Variants in PPFIA1 observed in about 807,000 individuals in gnomAD.
PPFIA1 encodes the protein PPFI scaffold protein A1.
PPFIA1 carries 25 observed loss-of-function variants against 149.9 expected under a neutral mutation model. The ratio of observed to expected loss-of-function variants is 0.17; its 90% CI spans 0.12 to 0.23. PPFIA1 has a LOEUF of 0.23. PPFIA1 is among the 10% of genes least tolerant of loss of function. The pLI, the probability that PPFIA1 is intolerant of heterozygous loss-of-function variation, is 1.00. For synonymous variants in PPFIA1, 549 were observed against 552.8 expected (o/e 0.99, Z 0.10); for missense variants, 1,362 against 1,506.5 (o/e 0.90, Z 1.59).
At position 70,302,948 on chromosome 11, in the gene PPFIA1, C is replaced by T. The variant is rs143103831; in HGVS notation, c.265-21454C>T. The stretch of plus-strand genomic sequence containing the variant: ...GGCGTCTTTCAGTTACAGCTTTATA[C>T]GTAGACCTTTGATTCCTCTGAGATA... On this transcript the variant is annotated intron_variant, in intron 2 of 27. Coordinates refer to ENST00000253925, the MANE Select transcript of PPFIA1 (RefSeq NM_003626.5). Among the ~76,000 whole-genome samples the T allele has an allele frequency of 4.6e-5, 7 of 152,176 alleles. No individual in the cohort carries two copies. In the East Asian group the frequency reaches 7.7e-4, roughly 17 times the overall value.
intron 2 of PPFIA1, among the ~76,000 whole-genome samples, chr11:70,293,601 C>T (rs1486479944): frequency 6.6e-6 from 1 of 152,180 alleles, no homozygotes; most frequent in Non-Finnish European, 1.5e-5. Flanking sequence ...GGCTCAGGAG[C>T]CAGTGGCGTC....
At chr11:70,299,287 G>T (rs570730107) in intron 2 of PPFIA1, among the ~76,000 whole-genome samples, 97 of 152,282 alleles carry the variant, frequency 6.4e-4, no homozygotes, top group Non-Finnish European at 1.2e-3. Flanking sequence ...GTTAGCTGCA[G>T]CTTTAGAATA....
chr11:70,276,123 T>C (rs2050367407), intron 2 of PPFIA1, among the ~76,000 whole-genome samples: 1 of 152,172 alleles, frequency 6.6e-6, no homozygotes. Context: ...TTGTTTATTT[T>C]TGAGATGGGG....
rs1208811374 is a variant in PPFIA1, at chr11:70,330,253, A to G, written c.1011A>G (p.Thr337=). 3.1e-6 allele frequency: 5 copies of G among 1,601,304 alleles called. No individual in the cohort carries two copies. Among genetic ancestry groups the G allele is most frequent in the Non-Finnish European group, 4.3e-6 (5 of 1,174,940 alleles). Residue 337 remains threonine (T), a synonymous_variant, in exon 8 of 28, where the codon ACA becomes ACG. Transcript: ENST00000253925. The part of the protein sequence containing the change: ...KRYLAAQREA[T]SVHDLNDKLE... ...ACCTCGCTGCACAGCGTGAAGCCAC[A>G]TCTGTGCATGACCTCAATGATAAAC... is the stretch of plus-strand genomic sequence containing the variant.
intron 16 of PPFIA1, among the ~76,000 whole-genome samples, chr11:70,352,503 C>T (rs957184328): frequency 2.0e-5 from 3 of 152,070 alleles, no homozygotes; most frequent in Admixed American, 2.0e-4. Context: ...GTAACTTCAG[C>T]GTGCTACTTG....
At chr11:70,320,528 C>T (rs1375532119) in intron 2 of PPFIA1, among the ~76,000 whole-genome samples, 1 of 151,422 alleles carries the variant, frequency 6.6e-6, no homozygotes, top group Non-Finnish European at 1.5e-5. Context: ...TCAAGCAGTC[C>T]TCCTGTCTCA....
Position 70,272,263 on chromosome 11 carries a change from G to A in PPFIA1, c.91G>A (p.Asp31Asn), listed in dbSNP as rs539083991. The change falls in exon 2 of 28, where the codon GAT becomes AAT. Residue 31 changes from aspartate to asparagine, a missense_variant. Asp to Asn is a conservative substitution (Grantham distance 23). Transcript: ENST00000253925. ...TGGTTCCGGCTCCCCTTCACAGCCAGATGCAGATTCACATTTTGAACAGTT... is the reference window on the plus strand; with the variant it reads ...TGGTTCCGGCTCCCCTTCACAGCCAAATGCAGATTCACATTTTGAACAGTT... ...GHGSGSPSQP[D>N]ADSHFEQLMV... The A allele has an allele frequency of 7.1e-5, 114 of 1,614,216 alleles. No individual in the cohort carries two copies. In the South Asian group the frequency reaches 1.1e-3, roughly 16 times the overall value.
intron 2 of PPFIA1, among the ~76,000 whole-genome samples, chr11:70,298,671 C>T (rs2052260385): frequency 6.6e-6 from 1 of 152,194 alleles, no homozygotes; most frequent in Non-Finnish European, 1.5e-5. Flanking sequence ...TCAGCTGCTG[C>T]TCAGAGGGCT....
At chr11:70,374,816 G>T (rs2057416347) in intron 23 of PPFIA1, 102 bp from the exon 24 acceptor site, 3 of 1,114,376 alleles carry the variant, frequency 2.7e-6, no homozygotes, top group Non-Finnish European at 3.9e-6. Context: ...GGAGCCGAAG[G>T]ATTAGGAACC....
chr11:70,272,304 A>G lies in PPFIA1; in HGVS notation c.132A>G (p.Leu44=), dbSNP rs370960981. The change falls in exon 2 of 28, where the codon CTA becomes CTG. Residue 44 remains leucine, a synonymous_variant. Transcript: ENST00000253925. ...TTGAACAGTTGATGGTCTCCATGCT[A>G]GAAGAAAGGGACCGCCTTCTTGATA... ...SHFEQLMVSM[L]EERDRLLDTL... is the part of the protein sequence containing the mutation. 1.2e-5 allele frequency: 19 copies of G among 1,614,070 alleles called. No individual in the cohort carries two copies. In the Admixed American group the frequency reaches 1.7e-4, roughly 14 times the overall value.
intron 2 of PPFIA1, among the ~76,000 whole-genome samples, chr11:70,309,388 C>T (rs1401712596): frequency 1.3e-5 from 2 of 152,166 alleles, no homozygotes; most frequent in Non-Finnish European, 2.9e-5. Context: ...AAGCTGGTCT[C>T]GAACTTGCGA....
At chr11:70,339,413 G>T in intron 14 of PPFIA1, 107 bp downstream of exon 14, 1 of 1,272,236 alleles carries the variant, frequency 7.9e-7, no homozygotes, top group Non-Finnish European at 1.1e-6. Flanking sequence ...TTGCTTTCTT[G>T]CCCTCCTCTC....
intron 26 of PPFIA1, among the ~76,000 whole-genome samples, chr11:70,380,735 CAAAAAA>C: frequency 9.6e-6 from 1 of 104,172 alleles, no homozygotes; most frequent in East Asian, 3.0e-4. Flanking sequence ...AACTCTGTCT[CAAAAAA>C]AAAAAAAAAG....
At chr11:70,311,947 A>C (rs1298180415) in intron 2 of PPFIA1, among the ~76,000 whole-genome samples, 1 of 147,160 alleles carries the variant, frequency 6.8e-6, no homozygotes, top group African/African-American at 2.5e-5. Context: ...GGACTCAAGC[A>C]GTCCTCACAC....
rs2057807429 is a variant in PPFIA1 at position 70,384,322 on chromosome 11, C to CT, written c.*1336dup. ...TATGTAACAAAGTATGTACAGTCTA[C>CT]TTTTGAACTATTTTTATCACAGTAT... On this transcript the variant is annotated 3_prime_UTR_variant, in exon 28 of 28. Coordinates refer to ENST00000253925, the MANE Select transcript of PPFIA1 (RefSeq NM_003626.5). The CT allele has an allele frequency of 6.6e-6, 1 of 152,638 alleles. No homozygotes were observed. The highest frequency in any genetic ancestry group is 2.1e-4 in the South Asian group (1 of 4,836). 9.5% of individuals were successfully genotyped at this position (152,638 alleles called of 1,614,324 possible). A position where few individuals can be genotyped will look rare whatever the true frequency, so the allele number is the denominator to read the frequency against.
chr11:70,310,132 A>AAAAC (rs1189440964), intron 2 of PPFIA1, among the ~76,000 whole-genome samples: 3 of 152,210 alleles, frequency 2.0e-5, no homozygotes, highest in African/African-American at 7.2e-5. Flanking sequence ...GTCAAAACAA[A>AAAAC]AAACAAGTTA....
At chr11:70,376,499 A>C (rs775100596) in intron 24 of PPFIA1, 33 bp from the exon 25 acceptor site, 14 of 1,580,108 alleles carry the variant, frequency 8.9e-6, no homozygotes, top group Non-Finnish European at 1.0e-5. Flanking sequence ...AGATTTGATG[A>C]AAGTTTTATT....
At chr11:70,320,714 G>C (rs1338284948) in intron 2 of PPFIA1, among the ~76,000 whole-genome samples, 1 of 152,148 alleles carries the variant, frequency 6.6e-6, no homozygotes, top group Non-Finnish European at 1.5e-5. Flanking sequence ...TGAGATTACA[G>C]GCAAGAGCCA....
At chr11:70,280,586 A>G (rs1025803593) in intron 2 of PPFIA1, among the ~76,000 whole-genome samples, 5 of 152,142 alleles carry the variant, frequency 3.3e-5, no homozygotes, top group African/African-American at 7.2e-5. Flanking sequence ...AAAGAAAAAG[A>G]CAGGCACCCT....
Sources: gnomAD v4.1 joint callset for allele counts (sites outside exome capture counted in the v4.1 genomes callset) on GRCh38, gnomAD v4.1.1 for gene constraint, MANE v1.5 for transcripts, NCBI Gene and HGNC (gene_info 2026-07-23, HGNC 2026-07-21) for gene names.